MXD4: variants seen among roughly 807,000 people sequenced by gnomAD.
The protein encoded by MXD4 is Mad4 homolog.
A neutral mutation model predicts 24.5 loss-of-function variants in MXD4; 16 were observed. The ratio of observed to expected loss-of-function variants is 0.65; its 90% CI spans 0.44 to 0.99. MXD4 has a LOEUF of 0.99. Among genes scored for constraint, MXD4 ranks in the 50% least tolerant of loss-of-function variants. MXD4 has a pLI of 0.00. For missense variants in MXD4, 301 were observed against 301.5 expected (o/e 1.00, Z 0.01); for synonymous variants, 164 against 134.2 (o/e 1.22, Z -1.54).
Position 2,252,404 on chromosome 4 carries a change from T to C in MXD4, c.309+4A>G, listed in dbSNP as rs1399942544. 6.2e-7 allele frequency: 1 copy of C among 1,609,164 alleles called. No homozygotes were observed. ...GGGCAGGGTGGAGAGCAAGGCCCAC[T>C]CACCTTGATGTGCACCTTGGCCCGC... On this transcript the variant is annotated splice_donor_region_variant and intron_variant, in intron 4 of 5. Transcript: ENST00000337190.
chr4:2,260,663 G>A (rs1735521248), intron 2 of MXD4: 2 of 440,886 alleles, frequency 4.5e-6, no homozygotes, highest in Admixed American at 2.5e-5. Flanking sequence ...ACGGGTCCCA[G>A]CCAGGGCAGC....
chr4:2,257,984 G>C lies in MXD4; in HGVS notation c.192C>G (p.His64Gln). The change falls in exon 3 of 6, where the codon CAC becomes CAG. Residue 64 changes from histidine to glutamine, a missense_variant and splice_region_variant. Coordinates refer to ENST00000337190, the MANE Select transcript of MXD4 (RefSeq NM_006454.3). ...TGGGGAACTGGGGGGTCACTTACCT[G>C]TGCTTTTCTAGCTCGTTGTGTGAAG... is the stretch of plus-strand genomic sequence containing the variant. ...NRSSHNELEK[H>Q]RRAKLRLYLE... The C allele has an allele frequency of 6.2e-7, 1 of 1,613,738 alleles. No individual in the cohort carries two copies. The highest frequency in any genetic ancestry group is 1.1e-5 in the South Asian group (1 of 91,090).
intron 2 of MXD4, among the ~76,000 whole-genome samples, chr4:2,259,928 C>T (rs1489233810): frequency 6.6e-6 from 1 of 152,248 alleles, no homozygotes; most frequent in Admixed American, 6.5e-5. Context: ...ACTCCCTACC[C>T]TTGCCCCAGC....
chr4:2,251,025 A>T (rs1735309501), intron 5 of MXD4, 59 bp downstream of exon 5: 2 of 1,470,972 alleles, frequency 1.4e-6, no homozygotes, highest in South Asian at 1.4e-5. Context: ...CCACCCAGGG[A>T]GCTGCACCAC....
rs1421637020 is a variant in MXD4, at chr4:2,248,341, A to C, written c.*2203T>G. The stretch of plus-strand genomic sequence containing the variant: ...GGGGCCACCACTGGTCACCGGGTGG[A>C]TTCTGCTGGTCAGAGATGAGAGCAG... On this transcript the variant is annotated 3_prime_UTR_variant, in exon 6 of 6. Transcript: ENST00000337190. 2.6e-5 allele frequency: 4 copies of C among 152,408 alleles called. No homozygotes were observed. The highest frequency in any genetic ancestry group is 5.9e-5 in the Non-Finnish European group (4 of 68,066). The allele number at this position is 152,408 out of a possible 1,614,324, so 9.4% of individuals were successfully genotyped here. A position where few individuals can be genotyped will look rare whatever the true frequency, so the allele number is the denominator to read the frequency against.
At chr4:2,255,137 C>A in intron 3 of MXD4, 1 of 375,106 alleles carries the variant, frequency 2.7e-6, no homozygotes, top group Admixed American at 3.2e-5. Flanking sequence ...TGCCCTGACG[C>A]AGGCGGACAG....
At chr4:2,260,047 T>C (rs1304830612) in intron 2 of MXD4, among the ~76,000 whole-genome samples, 1 of 152,230 alleles carries the variant, frequency 6.6e-6, no homozygotes, top group Non-Finnish European at 1.5e-5. Flanking sequence ...GCCCAGCTAC[T>C]TGTCTGGGCT....
intron 2 of MXD4, among the ~76,000 whole-genome samples, chr4:2,258,439 G>A (rs1374175185): frequency 6.6e-6 from 1 of 152,058 alleles, no homozygotes. Context: ...CCTTCCAGAG[G>A]GATGGGGGAG....
chr4:2,262,062 C>G lies in MXD4; in HGVS notation c.-82G>C, dbSNP rs1243265581. 2 of 783,002 alleles carry G rather than the reference C, an allele frequency of 2.6e-6. No individual in the cohort carries two copies. Among genetic ancestry groups the G allele is most frequent in the Non-Finnish European group, 3.1e-6 (2 of 645,364 alleles). The allele number at this position is 783,002 out of a possible 1,614,324, so 48.5% of individuals were successfully genotyped here. On this transcript the variant is annotated 5_prime_UTR_variant, in exon 1 of 6. Transcript: ENST00000337190. ...CGGCCGGCTCCGCTCGCCGCCCACCCCGCGCGCCCGGCCGCCGCACTTCCA... is the reference window on the plus strand; with the variant it reads ...CGGCCGGCTCCGCTCGCCGCCCACCGCGCGCGCCCGGCCGCCGCACTTCCA...
chr4:2,254,067 G>C (rs894039745), intron 3 of MXD4: 2 of 152,288 alleles, frequency 1.3e-5, no homozygotes, highest in African/African-American at 2.4e-5. Flanking sequence ...GACGAGGTTT[G>C]CAAGTGGGGA....
intron 2 of MXD4, among the ~76,000 whole-genome samples, chr4:2,258,386 G>C (rs1253665759): frequency 6.6e-6 from 1 of 152,084 alleles, no homozygotes; most frequent in Non-Finnish European, 1.5e-5. Context: ...AGCCCACCTA[G>C]CAAGGCCCGT....
In MXD4 at chr4:2,252,444, C is replaced by T. The variant is rs200642718; in HGVS notation, c.273G>A (p.Thr91=). Residue 91 remains threonine (T), a synonymous_variant, in exon 4 of 6, where the codon ACG becomes ACA. Coordinates refer to ENST00000337190, the MANE Select transcript of MXD4 (RefSeq NM_006454.3). Reference sequence around the variant, plus strand: ...CCTTGGCCCGCTTCAGGAGGCTCAGCGTGGTGTGGCGGGTGCTGTCGGGGC... The same window carrying T: ...CCTTGGCCCGCTTCAGGAGGCTCAGTGTGGTGTGGCGGGTGCTGTCGGGGC... ...PLGPDSTRHT[T]LSLLKRAKVH... The T allele has an allele frequency of 2.9e-5, 47 of 1,613,352 alleles. No homozygotes were observed. The East Asian group carries it at 5.6e-4, about 19-fold the overall frequency.
chr4:2,252,629 CT>C (rs1735348280), intron 3 of MXD4, 107 bp from the exon 4 acceptor site: 1 of 718,414 alleles, frequency 1.4e-6, no homozygotes, highest in Admixed American at 2.6e-5. Flanking sequence ...TGCACATGTG[CT>C]GAGGGTCCCT....
rs1735246343 is a variant in MXD4, at chr4:2,248,584, G to A, written c.*1960C>T. The A allele has an allele frequency of 2.0e-5, 3 of 152,388 alleles. No individual in the cohort carries two copies. Among genetic ancestry groups the A allele is most frequent in the Admixed American group, 2.0e-4 (3 of 15,290 alleles). 9.4% of individuals were successfully genotyped at this position (152,388 alleles called of 1,614,324 possible). Reference sequence around the variant, plus strand: ...GGGAAGCTCCTTTCTGGGCACCCCTGGACCCCAGTGGGGCCGGAAGGAGAT... The same window carrying A: ...GGGAAGCTCCTTTCTGGGCACCCCTAGACCCCAGTGGGGCCGGAAGGAGAT... On this transcript the variant is annotated 3_prime_UTR_variant, in exon 6 of 6. Coordinates refer to ENST00000337190, the MANE Select transcript of MXD4 (RefSeq NM_006454.3).
chr4:2,251,384 G>A, intron 4 of MXD4, 138 bp from the exon 5 acceptor site: 4 of 1,111,660 alleles, frequency 3.6e-6, no homozygotes, highest in Non-Finnish European at 4.9e-6. Context: ...ACAGGCCACA[G>A]GGTGCCCAGT....
chr4:2,247,482 G>C lies in MXD4; in HGVS notation c.*3062C>G, dbSNP rs565235160. On this transcript the variant is annotated 3_prime_UTR_variant, in exon 6 of 6. Transcript: ENST00000337190. ...TTACAATGACATAAGGACACAGCACGGCCCACACGGTGGACAGGTGGCCGG... is the reference window on the plus strand; with the variant it reads ...TTACAATGACATAAGGACACAGCACCGCCCACACGGTGGACAGGTGGCCGG... The C allele has an allele frequency of 3.3e-5, 5 of 152,280 alleles. No individual in the cohort carries two copies. The highest frequency in any genetic ancestry group is 1.2e-4 in the African/African-American group (5 of 41,458). The allele number at this position is 152,280 out of a possible 1,614,324, so 9.4% of individuals were successfully genotyped here. A position where few individuals can be genotyped will look rare whatever the true frequency, so the allele number is the denominator to read the frequency against.
Position 2,258,096 on chromosome 4 carries a change from A to C in MXD4, c.165-85T>G. The C allele has an allele frequency of 2.6e-6, 4 of 1,530,816 alleles. No individual in the cohort carries two copies. In the South Asian group the frequency reaches 3.4e-5, roughly 13 times the overall value. The allele number at this position is 1,530,816 out of a possible 1,614,324, so 94.8% of individuals were successfully genotyped here. A position where few individuals can be genotyped will look rare whatever the true frequency, so the allele number is the denominator to read the frequency against. The stretch of plus-strand genomic sequence containing the variant: ...AGCAGTGCTCTCCTAGGGGGCCAGG[A>C]CCTGCAGACAGTGGCTGGCTGTGTC... On this transcript the variant is annotated intron_variant, in intron 2 of 5. Coordinates refer to ENST00000337190, the MANE Select transcript of MXD4 (RefSeq NM_006454.3).
chr4:2,262,087 A>G lies in MXD4; in HGVS notation c.-107T>C. Reference sequence around the variant, plus strand: ...CCGCGCGCCCGGCCGCCGCACTTCCAGACTCCGCGGACTCCGGCGCTCGGC... The same window carrying G: ...CCGCGCGCCCGGCCGCCGCACTTCCGGACTCCGCGGACTCCGGCGCTCGGC... On this transcript the variant is annotated 5_prime_UTR_variant, in exon 1 of 6. Coordinates refer to ENST00000337190, the MANE Select transcript of MXD4 (RefSeq NM_006454.3). 1 of 521,982 alleles carries G rather than the reference A, an allele frequency of 1.9e-6. No individual in the cohort carries two copies. The highest frequency in any genetic ancestry group is 2.5e-6 in the Non-Finnish European group (1 of 406,540). 32.3% of individuals were successfully genotyped at this position (521,982 alleles called of 1,614,324 possible).
intron 2 of MXD4, among the ~76,000 whole-genome samples, chr4:2,260,931 C>T (rs1446380948): frequency 6.6e-6 from 1 of 152,148 alleles, no homozygotes; most frequent in African/African-American, 2.4e-5. Flanking sequence ...GCCCAGGGTC[C>T]CCACTCCCCA....
Sources: allele counts gnomAD v4.1 joint callset (sites outside exome capture counted in the v4.1 genomes callset), GRCh38; gene constraint gnomAD v4.1.1; transcripts MANE v1.5; gene names NCBI Gene and HGNC (gene_info 2026-07-23, HGNC 2026-07-21).